CLCN5: variants seen among roughly 807,000 people sequenced by gnomAD.
CLCN5 encodes Cl-/H+ antiporter 5.
Under a neutral mutation model 54.0 loss-of-function variants are expected in CLCN5, and 17 were observed. That is an observed-to-expected ratio of 0.31 (90% CI 0.22 to 0.47). CLCN5 has a LOEUF of 0.47. Among genes scored for constraint, CLCN5 ranks in the 20% least tolerant of loss-of-function variants. The pLI, the probability that CLCN5 is intolerant of heterozygous loss-of-function variation, is 1.00. For synonymous variants in CLCN5, 222 were observed against 233.0 expected, an observed-to-expected ratio of 0.95 and a Z score of 0.43; for missense variants, 448 against 646.7, an observed-to-expected ratio of 0.69 and a Z score of 3.33.
At chrX:50,038,773 G>T (rs1932099523) in intron 3 of CLCN5, among the ~76,000 whole-genome samples, 1 of 112,258 alleles carries the variant, frequency 8.9e-6, no homozygotes, top group African/African-American at 3.2e-5. Flanking sequence ...TTACTGGTTT[G>T]AAGGAATCTG....
At chrX:50,035,367 T>C (rs782353234) in intron 3 of CLCN5, among the ~76,000 whole-genome samples, 2 of 111,610 alleles carry the variant, frequency 1.8e-5, no homozygotes, top group East Asian at 5.6e-4. Context: ...TGATTACCTC[T>C]TAACCCTTCC....
intron 3 of CLCN5, among the ~76,000 whole-genome samples, chrX:50,007,440 TCACACACACACA>T (rs1198364892): frequency 4.3e-5 from 3 of 69,535 alleles, no homozygotes; most frequent in Admixed American, 1.6e-4. Context: ...TCTCTCTCTG[TCACACACACACA>T]CACACACACA....
chrX:49,929,279 C>G (rs1487280947), intron 3 of CLCN5, among the ~76,000 whole-genome samples: 1 of 112,098 alleles, frequency 8.9e-6, no homozygotes, highest in Admixed American at 9.4e-5. Flanking sequence ...ATGGAGCCCT[C>G]TAATATATTT....
intron 4 of CLCN5, among the ~76,000 whole-genome samples, chrX:50,052,580 G>A (rs782629354): frequency 1.9e-4 from 21 of 111,230 alleles, no homozygotes; most frequent in Non-Finnish European, 2.8e-4. Context: ...TGTTCTCTCC[G>A]CTACAGTTTT....
intron 3 of CLCN5, among the ~76,000 whole-genome samples, chrX:50,029,718 T>G (rs781929486): frequency 5.4e-5 from 6 of 111,618 alleles, no homozygotes; most frequent in Admixed American, 2.8e-4. Flanking sequence ...TGGCAATCAT[T>G]AAAAAGTCAG....
At chrX:49,943,745 C>G (rs1926523766) in intron 3 of CLCN5, among the ~76,000 whole-genome samples, 1 of 111,511 alleles carries the variant, frequency 9.0e-6, no homozygotes, top group Non-Finnish European at 1.9e-5. Flanking sequence ...GTGCTCTGTT[C>G]TGTTCCATTG....
chrX:50,093,468 T>G lies in CLCN5; in HGVS notation c.*1249T>G, dbSNP rs1211554836. On this transcript the variant is annotated 3_prime_UTR_variant, in exon 15 of 15. Coordinates refer to ENST00000376091, the MANE Select transcript of CLCN5 (RefSeq NM_001127898.4). ...TTCTAAATAAAATGCAGAGCCATCCTAAGACACAGGGGTATGGACAAGGCC... is the reference window on the plus strand; with the variant it reads ...TTCTAAATAAAATGCAGAGCCATCCGAAGACACAGGGGTATGGACAAGGCC... 8.9e-6 allele frequency: 1 copy of G among 111,809 alleles called. No homozygotes were observed. Among genetic ancestry groups the G allele is most frequent in the Non-Finnish European group, 1.9e-5 (1 of 53,110 alleles). 9.2% of individuals were successfully genotyped at this position (111,809 alleles called of 1,213,427 possible). A position where few individuals can be genotyped will look rare whatever the true frequency, so the allele number is the denominator to read the frequency against.
At chrX:50,027,038 G>A (rs1207246059) in intron 3 of CLCN5, among the ~76,000 whole-genome samples, 6 of 97,260 alleles carry the variant, frequency 6.2e-5, no homozygotes, top group Non-Finnish European at 1.2e-4. Flanking sequence ...TTTTTGAGAC[G>A]AAGTCTTGGC....
At chrX:49,986,168 G>A (rs1443670758) in intron 3 of CLCN5, among the ~76,000 whole-genome samples, 2 of 110,861 alleles carry the variant, frequency 1.8e-5, no homozygotes, top group Non-Finnish European at 3.8e-5. Flanking sequence ...TTTTTCTTGT[G>A]GTCTTTCCTA....
chrX:49,924,145 A>ATTTTTTTTTTTTTTTTTTTTTT (rs34424526), intron 2 of CLCN5, among the ~76,000 whole-genome samples: 4 of 84,507 alleles, frequency 4.7e-5, no homozygotes, highest in African/African-American at 1.8e-4. Context: ...CCTAGCTCCT[A>ATTTTTTTTTTTTTTTTTTTTTT]TTTTTTTTTT....
chrX:50,081,086 G>A (rs1351940083), intron 8 of CLCN5, among the ~76,000 whole-genome samples: 4 of 111,923 alleles, frequency 3.6e-5, no homozygotes, highest in Non-Finnish European at 7.5e-5. Context: ...ATATGATTTA[G>A]GCTACATGGG....
chrX:49,936,805 A>C (rs1557169827), intron 3 of CLCN5, among the ~76,000 whole-genome samples: 4 of 112,275 alleles, frequency 3.6e-5, no homozygotes, highest in Admixed American at 9.5e-5. Context: ...GTCACTTGTT[A>C]CAAGGATCTT....
intron 8 of CLCN5, among the ~76,000 whole-genome samples, 187 bp from the exon 9 acceptor site, chrX:50,081,454 A>G (rs1038169258): frequency 9.0e-6 from 1 of 111,406 alleles, no homozygotes; most frequent in African/African-American, 3.3e-5. Flanking sequence ...GGAACATGAA[A>G]GCTTAAAGAA....
intron 4 of CLCN5, among the ~76,000 whole-genome samples, chrX:50,048,314 G>A (rs781962511): frequency 1.9e-4 from 21 of 112,598 alleles, no homozygotes; most frequent in African/African-American, 3.6e-4. Flanking sequence ...CCTGCTACGC[G>A]GACTGGTTCC....
At chrX:50,060,623 AGCGGGGAAGCTCGAACTGGGTG>A (rs1157677916) in intron 4 of CLCN5, among the ~76,000 whole-genome samples, 1 of 111,306 alleles carries the variant, frequency 9.0e-6, no homozygotes, top group Non-Finnish European at 1.9e-5. Context: ...TAAACAAAGC[AGCGGGGAAGCTCGAACTGGGTG>A]GAGCCCACCA....
chrX:50,004,636 A>C (rs1333632385), intron 3 of CLCN5, among the ~76,000 whole-genome samples: 1 of 111,961 alleles, frequency 8.9e-6, no homozygotes, highest in Non-Finnish European at 1.9e-5. Flanking sequence ...ATCCAGGCAC[A>C]GGGGCTCATG....
intron 3 of CLCN5, among the ~76,000 whole-genome samples, chrX:49,955,236 T>C (rs1557173769): frequency 8.9e-6 from 1 of 111,787 alleles, no homozygotes; most frequent in Non-Finnish European, 1.9e-5. Flanking sequence ...TTGCCTCGTC[T>C]TGTGGACTGA....
intron 4 of CLCN5, among the ~76,000 whole-genome samples, chrX:50,053,414 C>A (rs1278993554): frequency 3.6e-5 from 4 of 110,816 alleles, no homozygotes; most frequent in African/African-American, 1.3e-4. Flanking sequence ...TGTCTCCGCT[C>A]TTTTTTTTCT....
At chrX:50,053,425 T>C (rs151152642) in intron 4 of CLCN5, among the ~76,000 whole-genome samples, 16 of 111,660 alleles carry the variant, frequency 1.4e-4, no homozygotes, top group African/African-American at 3.9e-4. Context: ...TTTTTTTTCT[T>C]GGTTAGCTTG....
Sources: gnomAD v4.1 joint callset for allele counts (sites outside exome capture counted in the v4.1 genomes callset) on GRCh38, gnomAD v4.1.1 for gene constraint, MANE v1.5 for transcripts, NCBI Gene and HGNC (gene_info 2026-07-23, HGNC 2026-07-21) for gene names.